The following SUGCT variants were observed in gnomAD, a reference collection of about 807,000 sequenced individuals.
The protein encoded by SUGCT is succinyl-CoA:glutarate-CoA transferase.
SUGCT carries 41 observed loss-of-function variants against 55.0 expected under a neutral mutation model. That is an observed-to-expected ratio of 0.74 (90% CI 0.58 to 0.97). The LOEUF is 0.97. SUGCT is among the 50% of genes least tolerant of loss of function. The pLI is 0.00. For synonymous variants in SUGCT, 187 were observed against 200.4 expected (o/e 0.93, Z 0.56); for missense variants, 568 against 547.8 (o/e 1.04, Z -0.37).
chr7:40,653,965 GA>G (rs1423259283), intron 12 of SUGCT, among the ~76,000 whole-genome samples: 2 of 150,912 alleles, frequency 1.3e-5, no homozygotes, highest in Non-Finnish European at 2.9e-5. Context: ...TCCTACTGGA[GA>G]CATATGGTTA....
intron 13 of SUGCT, among the ~76,000 whole-genome samples, chr7:40,788,553 A>G (rs975893923): frequency 6.6e-6 from 1 of 152,242 alleles, no homozygotes. Context: ...GAAACAGAAG[A>G]TATAAAGAAG....
intron 12 of SUGCT, among the ~76,000 whole-genome samples, chr7:40,656,530 C>G (rs547558927): frequency 1.9e-4 from 29 of 152,246 alleles, no homozygotes; most frequent in African/African-American, 6.5e-4. Flanking sequence ...TCCTTCTGTC[C>G]CACATGTAAC....
At chr7:40,350,456 G>C (rs1221902809) in intron 9 of SUGCT, among the ~76,000 whole-genome samples, 1 of 151,302 alleles carries the variant, frequency 6.6e-6, no homozygotes, top group African/African-American at 2.4e-5. Flanking sequence ...TGGAACTACA[G>C]GTGACCACCG....
chr7:40,248,898 ACACACACACACG>A (rs1459580667), intron 7 of SUGCT, among the ~76,000 whole-genome samples: 14 of 125,468 alleles, frequency 1.1e-4, no homozygotes, highest in Middle Eastern at 3.8e-3. Context: ...GCACACACAC[ACACACACACACG>A]CACACACACA....
intron 13 of SUGCT, among the ~76,000 whole-genome samples, chr7:40,771,170 A>T (rs1789084099): frequency 6.6e-6 from 1 of 152,134 alleles, no homozygotes; most frequent in African/African-American, 2.4e-5. Context: ...GTTTTGTTTC[A>T]AAAGTTATAA....
the SUGCT span, among the ~76,000 whole-genome samples, chr7:40,989,867 CCA>C: frequency 6.6e-6 from 1 of 152,144 alleles, no homozygotes; most frequent in African/African-American, 2.4e-5. Context: ...GGCTATATTT[CCA>C]ATTCTAGTTA....
chr7:40,465,742 TG>T (rs1790069396), intron 11 of SUGCT, among the ~76,000 whole-genome samples: 1 of 152,202 alleles, frequency 6.6e-6, no homozygotes, highest in South Asian at 2.1e-4. Context: ...TGGCTCTTGA[TG>T]GAGCAATTGT....
In SUGCT at chr7:40,243,414, A is replaced by G. The variant is rs74974975; in HGVS notation, c.576+5688A>G. Among the ~76,000 whole-genome samples, 982 of 152,226 alleles carry G rather than the reference A, an allele frequency of 6.5e-3. 10 individuals carry two copies. Among genetic ancestry groups the G allele is most frequent in the African/African-American group, 0.023 (943 of 41,530 alleles). On this transcript the variant is annotated intron_variant, in intron 7 of 13. Transcript: ENST00000335693. ...CCCTAGATTAGATGTATATGCATGGAAAAATGAGAAAATAAAAATAACAGA... is the reference window on the plus strand; with the variant it reads ...CCCTAGATTAGATGTATATGCATGGGAAAATGAGAAAATAAAAATAACAGA...
At chr7:40,963,437 A>G in the SUGCT span, among the ~76,000 whole-genome samples, 2 of 152,336 alleles carry the variant, frequency 1.3e-5, no homozygotes, top group Admixed American at 1.3e-4. Flanking sequence ...TACTTTTTAA[A>G]CATCTATTTA....
At chr7:40,432,763 A>G (rs1253473579) in intron 9 of SUGCT, among the ~76,000 whole-genome samples, 1 of 149,578 alleles carries the variant, frequency 6.7e-6, no homozygotes, top group East Asian at 1.9e-4. Context: ...ATTTCAATGT[A>G]TTGCAGTGTA....
chr7:40,512,828 T>C (rs1470069504), intron 12 of SUGCT, among the ~76,000 whole-genome samples: 1 of 151,970 alleles, frequency 6.6e-6, no homozygotes, highest in African/African-American at 2.4e-5. Context: ...AGATGAGAGA[T>C]AGTGAGATGA....
At chr7:40,907,807 C>A in the SUGCT span, among the ~76,000 whole-genome samples, 1 of 152,144 alleles carries the variant, frequency 6.6e-6, no homozygotes, top group African/African-American at 2.4e-5. Flanking sequence ...CATTATACAG[C>A]TGTAATCTAA....
chr7:40,359,295 C>T (rs1325185532), intron 9 of SUGCT, among the ~76,000 whole-genome samples: 1 of 152,162 alleles, frequency 6.6e-6, no homozygotes, highest in Non-Finnish European at 1.5e-5. Context: ...ACCTCTGCCT[C>T]CTGGGTTCAA....
chr7:40,724,512 A>C (rs1786513993), intron 12 of SUGCT, among the ~76,000 whole-genome samples: 1 of 151,974 alleles, frequency 6.6e-6, no homozygotes, highest in Non-Finnish European at 1.5e-5. Flanking sequence ...GCAGTGAGCC[A>C]AGATTGCATC....
the SUGCT span, among the ~76,000 whole-genome samples, chr7:40,924,862 C>T: frequency 6.6e-6 from 1 of 152,196 alleles, no homozygotes; most frequent in South Asian, 2.1e-4. Context: ...TCTTCATTCA[C>T]AGATTGTAAG....
At chr7:40,847,407 C>CTTTTTTTT (rs1338885686) in intron 13 of SUGCT, among the ~76,000 whole-genome samples, 3 of 117,858 alleles carry the variant, frequency 2.5e-5, no homozygotes, top group African/African-American at 8.7e-5. Flanking sequence ...TCTTTTCTTT[C>CTTTTTTTT]TTTCTTTTTT....
intron 9 of SUGCT, among the ~76,000 whole-genome samples, chr7:40,400,299 G>GAAAAGAAAATAAAGAA (rs1466143060): frequency 6.6e-6 from 1 of 152,134 alleles, no homozygotes; most frequent in Non-Finnish European, 1.5e-5. Context: ...ATAAAGAAAA[G>GAAAAGAAAATAAAGAA]AGGTTTATTT....
chr7:40,898,434 G>A, the SUGCT span, among the ~76,000 whole-genome samples: 1 of 145,102 alleles, frequency 6.9e-6, no homozygotes, highest in Non-Finnish European at 1.5e-5. Context: ...GTAACACTCG[G>A]CAGGGCATTG....
At chr7:40,662,775 A>C (rs1225070488) in intron 12 of SUGCT, among the ~76,000 whole-genome samples, 2 of 152,214 alleles carry the variant, frequency 1.3e-5, no homozygotes, top group Non-Finnish European at 2.9e-5. Context: ...TGGGACCTGA[A>C]ATGATCTCAA....
Sources: allele counts gnomAD v4.1 joint callset (sites outside exome capture counted in the v4.1 genomes callset), GRCh38; gene constraint gnomAD v4.1.1; transcripts MANE v1.5; gene names NCBI Gene and HGNC (gene_info 2026-07-23, HGNC 2026-07-21).